Variants in DYNC2H1 observed in about 807,000 individuals in gnomAD.
The protein encoded by DYNC2H1 is cytoplasmic dynein 2 heavy chain 1.
A neutral mutation model predicts 570.0 loss-of-function variants in DYNC2H1; 410 were observed. That is an observed-to-expected ratio of 0.72 (90% CI 0.66 to 0.78). DYNC2H1 has a LOEUF of 0.78. Ranked by LOEUF, DYNC2H1 falls within the 30% of genes least tolerant of loss-of-function variation. DYNC2H1 has a pLI of 0.00. For missense variants in DYNC2H1, 4,865 were observed against 5,046.4 expected, an observed-to-expected ratio of 0.96 and a Z score of 1.09; for synonymous variants, 1,688 against 1,677.6, an observed-to-expected ratio of 1.01 and a Z score of -0.15.
At chr11:103,431,657 C>T (rs911632829) in intron 84 of DYNC2H1, among the ~76,000 whole-genome samples, 14 of 152,184 alleles carry the variant, frequency 9.2e-5, no homozygotes, top group African/African-American at 2.2e-4. Context: ...ATAAGAAATA[C>T]GTTGGTTTAT....
chr11:103,288,684 T>TAAAAAAAAAAAAAAG (rs1866450594), intron 75 of DYNC2H1, among the ~76,000 whole-genome samples: 1 of 27,904 alleles, frequency 3.6e-5, no homozygotes, highest in Non-Finnish European at 6.0e-5. Context: ...CCGTCTCTAC[T>TAAAAAAAAAAAAAAG]AAAAAAAAAA....
At chr11:103,393,924 C>G (rs1942281926) in intron 83 of DYNC2H1, among the ~76,000 whole-genome samples, 1 of 152,166 alleles carries the variant, frequency 6.6e-6, no homozygotes. Context: ...GACTTATTCA[C>G]TATCACGAGT....
chr11:103,111,040 G>C (rs751967574), intron 1 of DYNC2H1, among the ~76,000 whole-genome samples: 6 of 152,080 alleles, frequency 3.9e-5, no homozygotes, highest in Non-Finnish European at 7.4e-5. Context: ...TGGTCAGGCT[G>C]GTCTCGAACT....
chr11:103,121,439 C>T lies in DYNC2H1; in HGVS notation c.1428C>T (p.Gly476=). The change falls in exon 10 of 89, where the codon GGC becomes GGT. Residue 476 remains glycine (G), a synonymous_variant. Transcript: ENST00000375735. The part of the protein sequence containing the change: ...IPGDASGPLS[G]KNLSEVVNSI... ...GTGATGCATCTGGACCACTTTCTGG[C>T]AAAAATCTTTCAGAAGTTGTCAACA... 6.2e-7 allele frequency: 1 copy of T among 1,613,338 alleles called. No homozygotes were observed. The highest frequency in any genetic ancestry group is 8.5e-7 in the Non-Finnish European group (1 of 1,179,588).
chr11:103,334,453 G>A lies in DYNC2H1; in HGVS notation c.12039+10463G>A. Among the ~76,000 whole-genome samples, 1 of 152,050 alleles carries A rather than the reference G, an allele frequency of 6.6e-6. No individual in the cohort carries two copies. The highest frequency in any genetic ancestry group is 1.9e-4 in the East Asian group (1 of 5,186). On this transcript the variant is annotated intron_variant, in intron 82 of 88. Coordinates refer to ENST00000375735, the MANE Select transcript of DYNC2H1 (RefSeq NM_001377.3). The surrounding 1 kb of genome is among the most constrained non-coding windows in gnomAD (Gnocchi z 4.3). ...AGTTTGCAAATTATAAATATCAAAT[G>A]TAAAATTTGGTTTCATTCTAACAAT...
At chr11:103,197,710 AG>A (rs1426214356) in intron 47 of DYNC2H1, among the ~76,000 whole-genome samples, 1 of 152,142 alleles carries the variant, frequency 6.6e-6, no homozygotes, top group East Asian at 1.9e-4. Context: ...GGCCTCCAAA[AG>A]TGCGGGTATT....
Position 103,233,838 on chromosome 11 carries a change from G to A in DYNC2H1, c.9441-196G>A, listed in dbSNP as rs914065612. ...AGAGAATGCTACACTTTATGTGTGT[G>A]TGTGTGTGTGTGTGTGTGTGTGTGT... On this transcript the variant is annotated intron_variant, in intron 60 of 88. Transcript: ENST00000375735. 5.4e-3 allele frequency among the ~76,000 whole-genome samples: 408 copies of A among 75,340 alleles called. 9 individuals carry two copies. Among genetic ancestry groups the A allele is most frequent in the African/African-American group, 0.017 (368 of 21,424 alleles). The allele number at this position is 75,340 out of a possible 152,430, so 49.4% of individuals were successfully genotyped here. A position where few individuals can be genotyped will look rare whatever the true frequency, so the allele number is the denominator to read the frequency against.
At chr11:103,460,651 C>G (rs1944979174) in intron 87 of DYNC2H1, among the ~76,000 whole-genome samples, 1 of 151,142 alleles carries the variant, frequency 6.6e-6, no homozygotes, top group South Asian at 2.1e-4. Context: ...TTATGAGGAT[C>G]TCTGAAAATA....
intron 65 of DYNC2H1, among the ~76,000 whole-genome samples, chr11:103,246,203 T>C (rs1864609963): frequency 6.6e-6 from 1 of 152,076 alleles, no homozygotes; most frequent in Admixed American, 6.6e-5. Context: ...CAGAAGCTTG[T>C]AATCAAGAAA....
At chr11:103,366,449 ATG>A (rs1341937266) in intron 83 of DYNC2H1, among the ~76,000 whole-genome samples, 1 of 152,174 alleles carries the variant, frequency 6.6e-6, no homozygotes, top group Non-Finnish European at 1.5e-5. Flanking sequence ...ATAAGAAAAA[ATG>A]TTTTTCATAG....
At chr11:103,441,740 A>T (rs1033436193) in intron 85 of DYNC2H1, among the ~76,000 whole-genome samples, 2 of 152,172 alleles carry the variant, frequency 1.3e-5, no homozygotes, top group African/African-American at 4.8e-5. Context: ...AAATCTACCC[A>T]TAAATATTAT....
At chr11:103,302,993 C>T (rs1172211916) in intron 75 of DYNC2H1, 100 bp from the exon 76 acceptor site, 1 of 870,074 alleles carries the variant, frequency 1.1e-6, no homozygotes, top group Non-Finnish European at 1.6e-6. Context: ...GATTACAACT[C>T]ACCTGGGTAT....
intron 84 of DYNC2H1, among the ~76,000 whole-genome samples, chr11:103,417,508 G>A (rs1943329137): frequency 1.3e-5 from 2 of 152,166 alleles, no homozygotes; most frequent in African/African-American, 4.8e-5. Context: ...CAAGATATTA[G>A]TAAATTGAAT....
chr11:103,204,996 G>A lies in DYNC2H1; in HGVS notation c.8454+32G>A. The stretch of plus-strand genomic sequence containing the variant: ...TTAACAAATATTAAAAAATTTAAAA[G>A]CACATTTTATTTTTGAAGTTATTGA... On this transcript the variant is annotated intron_variant, in intron 52 of 88. Transcript: ENST00000375735. This position sits in a 1 kb window ranked among gnomAD's most constrained non-coding sequence, Gnocchi z 4.1. 6.5e-7 allele frequency: 1 copy of A among 1,528,842 alleles called. No homozygotes were observed. 94.7% of individuals were successfully genotyped at this position (1,528,842 alleles called of 1,614,324 possible). A position where few individuals can be genotyped will look rare whatever the true frequency, so the allele number is the denominator to read the frequency against.
intron 62 of DYNC2H1, 60 bp from the exon 63 acceptor site, chr11:103,236,370 C>A: frequency 9.8e-7 from 1 of 1,016,956 alleles, no homozygotes; most frequent in South Asian, 1.3e-5. Context: ...AGCTTTATTT[C>A]CTTCCCTTCA....
At position 103,307,768 on chromosome 11, in the gene DYNC2H1, T is replaced by C; in HGVS notation, c.11430T>C (p.Thr3810=). 6.2e-7 allele frequency: 1 copy of C among 1,606,932 alleles called. No individual in the cohort carries two copies. Among genetic ancestry groups the C allele is most frequent in the Non-Finnish European group, 8.5e-7 (1 of 1,176,234 alleles). Residue 3810 remains threonine (T), a synonymous_variant, in exon 78 of 89, where the codon ACT becomes ACC. Coordinates refer to ENST00000375735, the MANE Select transcript of DYNC2H1 (RefSeq NM_001377.3). ...QPKDTFRLWL[T]AEVHPNFTPI... The stretch of plus-strand genomic sequence containing the variant: ...AAGATACCTTTCGTCTTTGGCTCAC[T>C]GCAGAAGTTCATCCCAACTTTACTC...
chr11:103,362,320 CTTTTTTTTTTTTCTT>C lies in DYNC2H1; in HGVS notation c.12156+3974_12156+3988del, dbSNP rs1198826807. On this transcript the variant is annotated intron_variant, in intron 83 of 88. Transcript: ENST00000375735. ...GCTTCTTAAATATATTAATTTTTTT[CTTTTTTTTTTTTCTT>C]TTTTTTTTTTTTTTAGCTATAGGAT... Among the ~76,000 whole-genome samples, 547 of 71,598 alleles carry C rather than the reference CTTTTTTTTTTTTCTT, an allele frequency of 7.6e-3. 3 individuals are homozygous for C. Among genetic ancestry groups the C allele is most frequent in the African/African-American group, 0.022 (524 of 24,098 alleles). 47.0% of individuals were successfully genotyped at this position (71,598 alleles called of 152,430 possible).
intron 38 of DYNC2H1, 149 bp from the exon 39 acceptor site, chr11:103,178,877 G>T: frequency 1.5e-6 from 1 of 673,242 alleles, no homozygotes; most frequent in Non-Finnish European, 2.4e-6. Flanking sequence ...CTGAGTCTTT[G>T]GCCAGCTGAG....
intron 61 of DYNC2H1, 39 bp from the exon 62 acceptor site, chr11:103,235,633 C>A: frequency 6.4e-7 from 1 of 1,561,274 alleles, no homozygotes; most frequent in South Asian, 1.2e-5. Context: ...TTAGAACATA[C>A]TCATATATCT....
Sources: gnomAD v4.1 joint callset for allele counts (sites outside exome capture counted in the v4.1 genomes callset) on GRCh38, gnomAD v4.1.1 for gene constraint, Gnocchi (gnomAD v3.1) non-coding constraint, MANE v1.5 for transcripts, NCBI Gene and HGNC (gene_info 2026-07-23, HGNC 2026-07-21) for gene names.